The following HMGB1 variants were observed in gnomAD, a reference collection of about 807,000 sequenced individuals.
The protein encoded by HMGB1 is high mobility group protein B1.
For missense variants in HMGB1, 79 were observed against 253.5 expected (o/e 0.31, Z 4.67); for synonymous variants, 81 against 84.0 (o/e 0.96, Z 0.19).
At chr13:30,486,162 C>T (rs1286453629) in intron 1 of HMGB1, among the ~76,000 whole-genome samples, 1 of 152,192 alleles carries the variant, frequency 6.6e-6, no homozygotes, top group Non-Finnish European at 1.5e-5. Context: ...TGACATGGTA[C>T]AGCAACAATG....
intron 1 of HMGB1, among the ~76,000 whole-genome samples, chr13:30,477,818 A>G (rs989894293): frequency 1.3e-5 from 2 of 152,206 alleles, no homozygotes; most frequent in African/African-American, 4.8e-5. Flanking sequence ...GTTGGGACAG[A>G]CAGCCTTACC....
At chr13:30,465,215 GGGC>G (rs1886695165) in intron 1 of HMGB1, 4 of 561,120 alleles carry the variant, frequency 7.1e-6, no homozygotes. Flanking sequence ...CGCCGCGACC[GGGC>G]CGAGGCCGGC....
At chr13:30,602,180 C>T (rs1337305766) in intron 1 of HMGB1, among the ~76,000 whole-genome samples, 1 of 151,522 alleles carries the variant, frequency 6.6e-6, no homozygotes, top group East Asian at 1.9e-4. Context: ...GACACCAGCA[C>T]CACGGCCTCA....
chr13:30,597,494 C>T (rs79492415), intron 1 of HMGB1, among the ~76,000 whole-genome samples: 2,019 of 152,318 alleles, frequency 0.013, 23 homozygotes, highest in Middle Eastern at 0.02. Context: ...TACTTTGTTA[C>T]AGCAGTCCTA....
At chr13:30,575,280 C>A (rs141318545) in intron 1 of HMGB1, among the ~76,000 whole-genome samples, 2 of 152,108 alleles carry the variant, frequency 1.3e-5, no homozygotes, top group Admixed American at 6.5e-5. Flanking sequence ...AAATACAGCT[C>A]GAAGTCAGCT....
intron 1 of HMGB1, among the ~76,000 whole-genome samples, chr13:30,602,896 C>G (rs1236050230): frequency 2.6e-5 from 4 of 152,268 alleles, no homozygotes; most frequent in Admixed American, 2.6e-4. Flanking sequence ...ACGACTTCCC[C>G]AGGTTCAGGT....
At chr13:30,535,152 C>T (rs903943075) in intron 1 of HMGB1, among the ~76,000 whole-genome samples, 18 of 152,192 alleles carry the variant, frequency 1.2e-4, no homozygotes, top group African/African-American at 4.3e-4. Flanking sequence ...CCCCACTCAG[C>T]CTTTCTCTTT....
chr13:30,485,878 A>G (rs976498949), intron 1 of HMGB1, among the ~76,000 whole-genome samples: 3 of 152,248 alleles, frequency 2.0e-5, no homozygotes, highest in African/African-American at 7.2e-5. Context: ...GAACACAGTT[A>G]TAATCAAATC....
chr13:30,483,914 G>A (rs1012369898), intron 1 of HMGB1, among the ~76,000 whole-genome samples: 7 of 152,072 alleles, frequency 4.6e-5, no homozygotes, highest in Admixed American at 6.5e-5. Flanking sequence ...GCACCCAGCC[G>A]AATGTTCAGC....
rs148291494 is a variant in HMGB1, at chr13:30,590,948, T to C, written c.-15+25723A>G. Among the ~76,000 whole-genome samples, 282 of 152,148 alleles carry C rather than the reference T, an allele frequency of 1.9e-3. 1 individual carries two copies. The highest frequency in any genetic ancestry group is 6.6e-3 in the African/African-American group (273 of 41,496). On this transcript the variant is annotated intron_variant, in intron 1 of 4. Transcript: ENST00000405805. The stretch of plus-strand genomic sequence containing the variant: ...TGTTTATAAATTATCCAGTGTAAAG[T>C]ATTTTGTTATAGCAGCCTGAATAGA...
chr13:30,505,982 C>T (rs1887857762), intron 1 of HMGB1, among the ~76,000 whole-genome samples: 4 of 152,128 alleles, frequency 2.6e-5, no homozygotes, highest in African/African-American at 9.7e-5. Context: ...GCCTCTCGGC[C>T]TCCCAAAGTG....
chr13:30,603,824 C>T lies in HMGB1; in HGVS notation c.-15+12847G>A, dbSNP rs1053662423. ...AATACCTCATACGATGAAAATACTA[C>T]GTAAATAGTTGTTATACTGTATTGT... is the stretch of plus-strand genomic sequence containing the variant. On this transcript the variant is annotated intron_variant, in intron 1 of 4. Transcript: ENST00000405805. Among the ~76,000 whole-genome samples the T allele has an allele frequency of 1.2e-4, 18 of 152,226 alleles. No homozygotes were observed. The East Asian group carries it at 2.1e-3, about 18-fold the overall frequency.
intron 1 of HMGB1, among the ~76,000 whole-genome samples, chr13:30,510,095 G>T (rs1002031595): frequency 6.6e-6 from 1 of 152,088 alleles, no homozygotes; most frequent in Admixed American, 6.5e-5. Context: ...CCTGCATCCC[G>T]TACTCTTCCT....
chr13:30,525,755 C>T (rs907514456), intron 1 of HMGB1, among the ~76,000 whole-genome samples: 1 of 151,836 alleles, frequency 6.6e-6, no homozygotes, highest in African/African-American at 2.4e-5. Flanking sequence ...GGAACTCACT[C>T]GCTACCATAA....
intron 1 of HMGB1, among the ~76,000 whole-genome samples, chr13:30,594,156 CAT>C (rs1337973048): frequency 1.4e-4 from 22 of 152,348 alleles, no homozygotes; most frequent in Admixed American, 1.2e-3. Flanking sequence ...GCAAGGCACA[CAT>C]GTGCATAAGT....
chr13:30,526,861 T>C (rs9508777), intron 1 of HMGB1, among the ~76,000 whole-genome samples: 58,087 of 151,930 alleles, frequency 0.38, 12,342 homozygotes, highest in Admixed American at 0.54. Flanking sequence ...ACAAGTGTTC[T>C]AATGATTTAG....
chr13:30,471,852 T>C (rs1886952084), intron 1 of HMGB1, among the ~76,000 whole-genome samples: 1 of 150,338 alleles, frequency 6.7e-6, no homozygotes, highest in South Asian at 2.1e-4. Flanking sequence ...GTAATTTTAG[T>C]AGAGATGGGG....
At chr13:30,464,618 G>C (rs1434715136) in intron 1 of HMGB1, 1 of 984,052 alleles carries the variant, frequency 1.0e-6, no homozygotes, top group Non-Finnish European at 1.2e-6. Flanking sequence ...GCTCGGCGCA[G>C]GGAGAAGCCC....
chr13:30,582,151 C>A (rs1004611680), intron 1 of HMGB1, among the ~76,000 whole-genome samples: 1 of 152,056 alleles, frequency 6.6e-6, no homozygotes, highest in African/African-American at 2.4e-5. Context: ...TTTCCGTGTG[C>A]CAGGAGCTGG....
Sources: gnomAD v4.1 joint callset for allele counts (sites outside exome capture counted in the v4.1 genomes callset) on GRCh38, gnomAD v4.1.1 for gene constraint, MANE v1.5 for transcripts, NCBI Gene and HGNC (gene_info 2026-07-23, HGNC 2026-07-21) for gene names.